The following LILRB1 variants were observed in gnomAD, a reference collection of about 807,000 sequenced individuals.
LILRB1 encodes the protein leukocyte immunoglobulin like receptor B1.
In LILRB1, 59 loss-of-function variants were observed where a neutral mutation model predicts 74.6. The ratio of observed to expected loss-of-function variants is 0.79; its 90% CI spans 0.64 to 0.98. The LOEUF (loss-of-function observed/expected upper bound fraction) is 0.98. LILRB1 is among the 50% of genes least tolerant of loss of function. LILRB1 has a pLI of 0.00. For synonymous variants in LILRB1, 328 were observed against 333.9 expected (o/e 0.98, Z 0.19); for missense variants, 804 against 822.6 (o/e 0.98, Z 0.28).
upstream of LILRB1, among the ~76,000 whole-genome samples, chr19:54,629,317 T>C (rs933675059): frequency 6.6e-6 from 1 of 152,204 alleles, no homozygotes; most frequent in African/African-American, 2.4e-5. Context: ...ACAACTCTAC[T>C]GAGAGATCAT....
upstream of LILRB1, among the ~76,000 whole-genome samples, chr19:54,627,734 GT>G (rs2063635074): frequency 6.6e-6 from 1 of 151,910 alleles, no homozygotes; most frequent in Non-Finnish European, 1.5e-5. Flanking sequence ...CTTTACTTCT[GT>G]ATGTCAGAGA....
rs2064547492 is a variant in LILRB1, at chr19:54,637,581, A to G, written c.*703A>G. ...AGAGAAAAAAGAAATTTAGAAGAAT[A>G]ACAAGTTATTCCAAATGAAGGCGTA... On this transcript the variant is annotated 3_prime_UTR_variant, in exon 15 of 15. Coordinates refer to ENST00000324602, the MANE Select transcript of LILRB1 (RefSeq NM_001081637.3). 6.6e-6 allele frequency: 1 copy of G among 152,012 alleles called. No individual in the cohort carries two copies. The highest frequency in any genetic ancestry group is 2.4e-5 in the African/African-American group (1 of 41,422). The allele number at this position is 152,012 out of a possible 1,614,324, so 9.4% of individuals were successfully genotyped here.
At position 54,633,031 on chromosome 19, in the gene LILRB1, G is replaced by C. The variant is rs746338335; in HGVS notation, c.974G>C (p.Arg325Thr). The C allele has an allele frequency of 5.0e-6, 8 of 1,613,812 alleles. No individual in the cohort carries two copies. The highest frequency in any genetic ancestry group is 2.2e-5 in the East Asian group (1 of 44,894). Reference sequence around the variant, plus strand: ...TTCTCTCCAGGACAGTTCTATGACAGAGTCTCCCTCTCGGTGCAGCCGGGC... The same window carrying C: ...TTCTCTCCAGGACAGTTCTATGACACAGTCTCCCTCTCGGTGCAGCCGGGC... ...DILIAGQFYD[R>T]VSLSVQPGPT... Residue 325 changes from arginine (R) to threonine (T), a missense_variant, in exon 7 of 15, where the codon AGA becomes ACA. Arg to Thr is a moderately conservative substitution (Grantham distance 71). Coordinates refer to ENST00000324602, the MANE Select transcript of LILRB1 (RefSeq NM_001081637.3).
At chr19:54,629,818 G>T (rs531187748), upstream of LILRB1, among the ~76,000 whole-genome samples, 19 of 151,996 alleles carry the variant, frequency 1.3e-4, no homozygotes, top group African/African-American at 4.1e-4. Flanking sequence ...CTTTCCTGTG[G>T]ATCCATCTAC....
intron 1 of LILRB1, among the ~76,000 whole-genome samples, chr19:54,617,650 T>A (rs1199487358): frequency 1.3e-5 from 2 of 151,898 alleles, no homozygotes; most frequent in Non-Finnish European, 1.5e-5. Flanking sequence ...TAATTGGCAG[T>A]GAACCCATTT....
chr19:54,628,533 A>G (rs2063659432), upstream of LILRB1, among the ~76,000 whole-genome samples: 1 of 152,140 alleles, frequency 6.6e-6, no homozygotes, highest in Non-Finnish European at 1.5e-5. Context: ...GTAGCAGCTC[A>G]CAGAACTCAG....
chr19:54,627,756 T>C (rs776187529), upstream of LILRB1, among the ~76,000 whole-genome samples: 2 of 152,200 alleles, frequency 1.3e-5, no homozygotes, highest in Admixed American at 6.5e-5. Flanking sequence ...GCTCTCTCTA[T>C]GGTGCTTTTC....
At position 54,633,296 on chromosome 19, in the gene LILRB1, C is replaced by T; in HGVS notation, c.1239C>T (p.Asp413=). The change falls in exon 7 of 15, where the codon GAC becomes GAT. Residue 413 remains aspartate (D), a synonymous_variant. Transcript: ENST00000324602. ...CCTACCTGCTGACTCACCCCAGTGA[C>T]CCCCTGGAGCTCGTGGTCTCAGGTG... The part of the protein sequence containing the change: ...SKPYLLTHPS[D]PLELVVSGPS... The T allele has an allele frequency of 1.2e-6, 2 of 1,613,994 alleles. No homozygotes were observed. Among genetic ancestry groups the T allele is most frequent in the African/African-American group, 1.3e-5 (1 of 75,060 alleles).
chr19:54,635,524 C>T (rs1414843160), intron 12 of LILRB1, 33 bp from the exon 13 acceptor site: 2 of 1,599,018 alleles, frequency 1.3e-6, no homozygotes, highest in South Asian at 1.1e-5. Flanking sequence ...GGGAACCTTC[C>T]CAAGAGACAA....
At chr19:54,624,466 G>A (rs1315323521) in intron 1 of LILRB1, among the ~76,000 whole-genome samples, 2 of 152,134 alleles carry the variant, frequency 1.3e-5, no homozygotes, top group Non-Finnish European at 2.9e-5. Flanking sequence ...TCAGCCCAGT[G>A]CAGACCCTGA....
At chr19:54,635,659 C>T (rs1481282538) in intron 13 of LILRB1, 50 bp downstream of exon 13, 7 of 1,594,076 alleles carry the variant, frequency 4.4e-6, no homozygotes, top group Non-Finnish European at 6.0e-6. Flanking sequence ...GGTGCCAGAT[C>T]TAATCCTGCA....
upstream of LILRB1, among the ~76,000 whole-genome samples, chr19:54,629,379 G>A (rs941605317): frequency 9.9e-5 from 15 of 152,076 alleles, no homozygotes; most frequent in African/African-American, 2.7e-4. Context: ...TTAAAGCTTC[G>A]GGTAGAACAC....
chr19:54,617,589 GGT>G (rs1555789264), intron 1 of LILRB1, among the ~76,000 whole-genome samples: 27 of 127,380 alleles, frequency 2.1e-4, no homozygotes, highest in African/African-American at 6.8e-4. Context: ...GTGTGTGTGT[GGT>G]GTGTGTGTGT....
chr19:54,631,223 C>A lies in LILRB1; in HGVS notation c.35-48C>A, dbSNP rs2063807914. ...ACAAAGATCCCAGGGAGGGGAGGAC[C>A]TGCCCAGGCTTCAGGGGGCAAATCC... On this transcript the variant is annotated intron_variant, in intron 2 of 14. Transcript: ENST00000324602. 2.5e-6 allele frequency: 4 copies of A among 1,613,946 alleles called. No homozygotes were observed. The South Asian group carries it at 4.4e-5, about 18-fold the overall frequency.
chr19:54,617,472 A>G (rs183966573), intron 1 of LILRB1: 195 of 152,152 alleles, frequency 1.3e-3, no homozygotes, highest in African/African-American at 4.5e-3. Flanking sequence ...ACCACTGTTT[A>G]GATCCAAATT....
intron 10 of LILRB1, 109 bp downstream of exon 10, chr19:54,634,872 C>T: frequency 1.3e-6 from 2 of 1,526,746 alleles, no homozygotes; most frequent in South Asian, 2.5e-5. Flanking sequence ...ACTGTTCCAG[C>T]ATTTCTCACC....
In LILRB1 at chr19:54,637,391, T is replaced by C. The variant is rs112988186; in HGVS notation, c.*513T>C. ...AAATACAAAAATTAGCTGGATGTGGTGGCAGTGCCTGTAATCCCAGCTATT... is the reference window on the plus strand; with the variant it reads ...AAATACAAAAATTAGCTGGATGTGGCGGCAGTGCCTGTAATCCCAGCTATT... On this transcript the variant is annotated 3_prime_UTR_variant, in exon 15 of 15. Transcript: ENST00000324602. 7,134 of 156,988 alleles carry C rather than the reference T, an allele frequency of 0.045. 223 individuals are homozygous for C. The highest frequency in any genetic ancestry group is 0.063 in the Non-Finnish European group (4,488 of 71,018). The allele number at this position is 156,988 out of a possible 1,614,324, so 9.7% of individuals were successfully genotyped here. A position where few individuals can be genotyped will look rare whatever the true frequency, so the allele number is the denominator to read the frequency against.
In LILRB1 at chr19:54,637,702, C is replaced by T. The variant is rs531340625; in HGVS notation, c.*824C>T. ...AGCCAGTGAAGCTCATTCTTGAAAA[C>T]ATGAATCACACTCATGAATTCTAAC... On this transcript the variant is annotated 3_prime_UTR_variant, in exon 15 of 15. Coordinates refer to ENST00000324602, the MANE Select transcript of LILRB1 (RefSeq NM_001081637.3). 2.0e-5 allele frequency among the ~76,000 whole-genome samples: 3 copies of T among 152,136 alleles called. No individual in the cohort carries two copies. Among genetic ancestry groups the T allele is most frequent in the African/African-American group, 7.2e-5 (3 of 41,488 alleles).
upstream of LILRB1, among the ~76,000 whole-genome samples, chr19:54,627,220 C>T (rs759106588): frequency 6.6e-6 from 1 of 152,206 alleles, no homozygotes; most frequent in Non-Finnish European, 1.5e-5. Context: ...TGATAAAGCA[C>T]TTTAGGTTGT....
Sources: allele counts gnomAD v4.1 joint callset (sites outside exome capture counted in the v4.1 genomes callset), GRCh38; gene constraint gnomAD v4.1.1; transcripts MANE v1.5; gene names NCBI Gene and HGNC (gene_info 2026-07-23, HGNC 2026-07-21).